The following LAMB4 variants were observed in gnomAD, a reference collection of about 807,000 sequenced individuals.
LAMB4 encodes laminin subunit beta-4.
LAMB4 carries 196 observed loss-of-function variants against 199.2 expected under a neutral mutation model. That is an observed-to-expected ratio of 0.98 (90% CI 0.88 to 1.11). LAMB4 has a LOEUF of 1.11. Ranked by LOEUF, LAMB4 falls within the 50% of genes least tolerant of loss-of-function variation. LAMB4 has a pLI of 0.00. For missense variants in LAMB4, 2,080 were observed against 2,171.2 expected (o/e 0.96, Z 0.83); for synonymous variants, 744 against 770.6 (o/e 0.97, Z 0.57).
At position 108,098,477 on chromosome 7, in the gene LAMB4, A is replaced by C; in HGVS notation, c.1286T>G (p.Val429Gly). Reference sequence around the variant, plus strand: ...GCACTGGTCGCATTTGGCTCCTTCCACGTTCTCTTTACAAAGGCACTGGCC... The same window carrying C: ...GCACTGGTCGCATTTGGCTCCTTCCCCGTTCTCTTTACAAAGGCACTGGCC... ...VAGQCLCKEN[V>G]EGAKCDQCKP... Residue 429 changes from valine to glycine, a missense_variant, in exon 11 of 34, where the codon GTG (valine) becomes GGG (glycine). Physicochemically the swap from Val to Gly is moderately radical, Grantham distance 109. Coordinates refer to ENST00000388781, the MANE Select transcript of LAMB4 (RefSeq NM_007356.3). The C allele has an allele frequency of 6.3e-7, 1 of 1,592,890 alleles. No individual in the cohort carries two copies. Among genetic ancestry groups the C allele is most frequent in the Non-Finnish European group, 8.5e-7 (1 of 1,170,366 alleles).
At chr7:108,113,664 G>A (rs1177843645) in intron 3 of LAMB4, among the ~76,000 whole-genome samples, 1 of 152,136 alleles carries the variant, frequency 6.6e-6, no homozygotes. Context: ...TAACTTCAGG[G>A]CTTGTGGACC....
intron 3 of LAMB4, among the ~76,000 whole-genome samples, chr7:108,113,909 A>G (rs973317091): frequency 1.2e-4 from 19 of 152,104 alleles, no homozygotes. Context: ...AGCCCCTTCT[A>G]TAATACACTT....
chr7:108,028,964 A>T (rs1013117900), intron 33 of LAMB4, 79 bp downstream of exon 33: 1 of 1,331,812 alleles, frequency 7.5e-7, no homozygotes, highest in Non-Finnish European at 1.0e-6. Flanking sequence ...GTAAGCTGAC[A>T]TTGGTATAAA....
At chr7:108,112,344 C>T (rs1043692891) in intron 3 of LAMB4, among the ~76,000 whole-genome samples, 3 of 149,720 alleles carry the variant, frequency 2.0e-5, no homozygotes, top group Admixed American at 1.3e-4. Flanking sequence ...GACAGAGTCT[C>T]ATGCTGTCAC....
rs148434495 is a variant in LAMB4, at chr7:108,098,479, G to C, written c.1284C>G (p.Asn428Lys). Reference protein sequence around the residue: ...SVAGQCLCKENVEGAKCDQCK... With the variant: ...SVAGQCLCKEKVEGAKCDQCK... Reference sequence around the variant, plus strand: ...ACTGGTCGCATTTGGCTCCTTCCACGTTCTCTTTACAAAGGCACTGGCCGG... The same window carrying C: ...ACTGGTCGCATTTGGCTCCTTCCACCTTCTCTTTACAAAGGCACTGGCCGG... The change falls in exon 11 of 34, where the codon AAC becomes AAG. Residue 428 changes from asparagine to lysine, a missense_variant. Transcript: ENST00000388781. 6.2e-7 allele frequency: 1 copy of C among 1,613,690 alleles called. No homozygotes were observed. Among genetic ancestry groups the C allele is most frequent in the Admixed American group, 1.7e-5 (1 of 59,976 alleles).
chr7:108,020,710 A>G (rs2034674959), downstream of LAMB4, among the ~76,000 whole-genome samples: 1 of 152,182 alleles, frequency 6.6e-6, no homozygotes, highest in Admixed American at 6.6e-5. Context: ...AATGCATGAT[A>G]CTGATCACAA....
At chr7:108,114,820 A>T (rs1181821215) in intron 3 of LAMB4, among the ~76,000 whole-genome samples, 1 of 152,198 alleles carries the variant, frequency 6.6e-6, no homozygotes, top group African/African-American at 2.4e-5. Context: ...CGATACTCAG[A>T]TGACCTTGGA....
At chr7:108,091,008 T>C (rs1437320221) in intron 14 of LAMB4, among the ~76,000 whole-genome samples, 5 of 152,044 alleles carry the variant, frequency 3.3e-5, no homozygotes, top group Admixed American at 3.3e-4. Flanking sequence ...CTAGAATTAG[T>C]CCCCCTTGTT....
intron 29 of LAMB4, among the ~76,000 whole-genome samples, chr7:108,042,710 G>A (rs2035460491): frequency 6.6e-6 from 1 of 151,842 alleles, no homozygotes; most frequent in African/African-American, 2.4e-5. Flanking sequence ...TCAATTTCTA[G>A]AAATATTGAG....
At chr7:108,096,712 G>A (rs2037612934) in intron 11 of LAMB4, among the ~76,000 whole-genome samples, 1 of 150,126 alleles carries the variant, frequency 6.7e-6, no homozygotes, top group South Asian at 2.1e-4. Flanking sequence ...CGGAAGGGTT[G>A]CTTGGGATCA....
intron 28 of LAMB4, among the ~76,000 whole-genome samples, chr7:108,044,973 AAG>A (rs1180210212): frequency 0.019 from 2,629 of 141,670 alleles, 126 homozygotes; most frequent in African/African-American, 0.071. Context: ...AAAAAAAAAA[AAG>A]AAAAGAAAAG....
At chr7:108,059,570 G>A (rs1488372502) in intron 23 of LAMB4, among the ~76,000 whole-genome samples, 10 of 152,270 alleles carry the variant, frequency 6.6e-5, no homozygotes, top group African/African-American at 2.4e-4. Context: ...ATGGTGCTCA[G>A]AAATGACAAC....
chr7:108,068,277 C>G (rs2036413887), intron 18 of LAMB4, 118 bp from the exon 19 acceptor site: 1 of 958,932 alleles, frequency 1.0e-6, no homozygotes, highest in Non-Finnish European at 1.5e-6. Flanking sequence ...ACTCAACTCC[C>G]TCATCTGTTA....
rs1444940157 is a variant in LAMB4, at chr7:108,052,259, T to C, written c.3756-2A>G. ...TCATTTAGCTGCATGATTTGTCTTC[T>C]ATAGAGGAAATAAGGGTAAATGTAG... On this transcript the variant is annotated splice_acceptor_variant, in intron 25 of 33. Transcript: ENST00000388781. LOFTEE classifies it high-confidence loss of function. The C allele has an allele frequency of 1.3e-6, 2 of 1,581,410 alleles. No homozygotes were observed. Among genetic ancestry groups the C allele is most frequent in the Non-Finnish European group, 1.7e-6 (2 of 1,161,650 alleles).
At chr7:108,036,477 C>A (rs193224445) in intron 30 of LAMB4, among the ~76,000 whole-genome samples, 1 of 152,148 alleles carries the variant, frequency 6.6e-6, no homozygotes, top group Non-Finnish European at 1.5e-5. Context: ...CGTGAGCCAC[C>A]GTGCCCGGCC....
chr7:108,067,253 G>T (rs1393768717), intron 19 of LAMB4, among the ~76,000 whole-genome samples: 3 of 152,238 alleles, frequency 2.0e-5, no homozygotes, highest in Admixed American at 6.5e-5. Flanking sequence ...ATGATGGGCT[G>T]GGTAGGTGGC....
intron 28 of LAMB4, among the ~76,000 whole-genome samples, chr7:108,044,737 G>T (rs1331494902): frequency 6.6e-6 from 1 of 152,112 alleles, no homozygotes; most frequent in Non-Finnish European, 1.5e-5. Context: ...CAGATCACTT[G>T]AGGTTAGGAG....
intron 30 of LAMB4, among the ~76,000 whole-genome samples, chr7:108,036,569 T>C (rs1267356021): frequency 1.3e-5 from 2 of 152,140 alleles, no homozygotes; most frequent in African/African-American, 2.4e-5. Context: ...GACTTTTGGA[T>C]GAATCTGGTG....
intron 23 of LAMB4, among the ~76,000 whole-genome samples, chr7:108,059,185 G>C (rs1424839500): frequency 1.5e-5 from 2 of 136,842 alleles, no homozygotes; most frequent in Non-Finnish European, 3.1e-5. Flanking sequence ...CACTCACTAC[G>C]AGCTCCACCT....
Sources: gnomAD v4.1 joint callset for allele counts (sites outside exome capture counted in the v4.1 genomes callset) on GRCh38, gnomAD v4.1.1 for gene constraint, MANE v1.5 for transcripts, NCBI Gene and HGNC (gene_info 2026-07-23, HGNC 2026-07-21) for gene names.